Variants in SUCLG2 observed in about 807,000 individuals in gnomAD.
SUCLG2 encodes the protein succinate-CoA ligase GDP-forming subunit beta, also known as succinate--CoA ligase [GDP-forming] subunit beta, mitochondrial.
Under a neutral mutation model 47.9 loss-of-function variants are expected in SUCLG2, and 42 were observed. That is an observed-to-expected ratio of 0.88 (90% confidence interval 0.69 to 1.14). The LOEUF (loss-of-function observed/expected upper bound fraction) is 1.14, where lower values mean the gene tolerates loss of function less well. Ranked by LOEUF, SUCLG2 falls within the 50% of genes most tolerant of loss-of-function variation. The pLI is 0.00. For missense variants in SUCLG2, 571 were observed against 525.9 expected, an observed-to-expected ratio of 1.09 and a Z score of -0.84; for synonymous variants, 195 against 197.3, an observed-to-expected ratio of 0.99 and a Z score of 0.10.
At chr3:67,422,473 C>CGAAAAAA (rs1703186661) in intron 9 of SUCLG2, among the ~76,000 whole-genome samples, 1 of 30,662 alleles carries the variant, frequency 3.3e-5, no homozygotes, top group African/African-American at 1.4e-4. Context: ...GACTCCATCT[C>CGAAAAAA]AAAAAAAAAA....
At chr3:67,589,717 G>C (rs1559585550) in intron 2 of SUCLG2, among the ~76,000 whole-genome samples, 1 of 152,214 alleles carries the variant, frequency 6.6e-6, no homozygotes, top group Non-Finnish European at 1.5e-5. Flanking sequence ...AGGGGTGGCT[G>C]TGTGCAGGAG....
intron 8 of SUCLG2, among the ~76,000 whole-genome samples, chr3:67,497,036 T>A: frequency 6.6e-6 from 1 of 152,200 alleles, no homozygotes. Flanking sequence ...AATCTGTATT[T>A]AATTTGGTTT....
intron 10 of SUCLG2, among the ~76,000 whole-genome samples, chr3:67,383,220 TG>T (rs886370466): frequency 6.6e-6 from 1 of 152,246 alleles, no homozygotes; most frequent in African/African-American, 2.4e-5. Context: ...TAACATTTAC[TG>T]AGCCAAGGAC....
intron 9 of SUCLG2, among the ~76,000 whole-genome samples, chr3:67,422,138 A>T (rs1257115180): frequency 1.3e-5 from 2 of 152,132 alleles, no homozygotes; most frequent in Non-Finnish European, 2.9e-5. Context: ...TTCACCCTAA[A>T]TAGCTCTGAT....
intron 9 of SUCLG2, among the ~76,000 whole-genome samples, chr3:67,494,804 T>G (rs961617114): frequency 3.3e-5 from 5 of 152,184 alleles, no homozygotes; most frequent in African/African-American, 9.7e-5. Flanking sequence ...CAACTGAGTA[T>G]CTACAGGTGA....
At chr3:67,456,804 T>C (rs1704197074) in intron 9 of SUCLG2, among the ~76,000 whole-genome samples, 1 of 152,198 alleles carries the variant, frequency 6.6e-6, no homozygotes, top group Admixed American at 6.5e-5. Flanking sequence ...GCTCTGAATA[T>C]TTAAAAGCAA....
intron 10 of SUCLG2, chr3:67,376,361 C>T (rs1013548385): frequency 3.1e-5 from 31 of 985,292 alleles, no homozygotes; most frequent in Non-Finnish European, 3.4e-5. Flanking sequence ...CCCTTCAAAA[C>T]GGGCAAAGCA....
At chr3:67,605,902 G>A (rs1700405502) in intron 2 of SUCLG2, among the ~76,000 whole-genome samples, 2 of 151,804 alleles carry the variant, frequency 1.3e-5, no homozygotes, top group Non-Finnish European at 2.9e-5. Context: ...CATTCCTCCA[G>A]AGCAGAAATT....
At chr3:67,452,979 A>G (rs1430778926) in intron 9 of SUCLG2, among the ~76,000 whole-genome samples, 1 of 152,204 alleles carries the variant, frequency 6.6e-6, no homozygotes, top group Non-Finnish European at 1.5e-5. Flanking sequence ...ATGTAATCAT[A>G]GATGAAGGTC....
chr3:67,381,667 T>C (rs1414141751), intron 10 of SUCLG2, among the ~76,000 whole-genome samples: 2 of 152,200 alleles, frequency 1.3e-5, no homozygotes, highest in African/African-American at 4.8e-5. Context: ...CCTCAGGCAC[T>C]TCTTAATATC....
intron 2 of SUCLG2, among the ~76,000 whole-genome samples, chr3:67,571,907 T>C (rs1707622451): frequency 6.6e-6 from 1 of 152,220 alleles, no homozygotes; most frequent in African/African-American, 2.4e-5. Context: ...TCACCACTTA[T>C]GGGTGGCTTC....
intron 10 of SUCLG2, among the ~76,000 whole-genome samples, chr3:67,386,827 T>C (rs1480345722): frequency 6.6e-6 from 1 of 152,160 alleles, no homozygotes; most frequent in Non-Finnish European, 1.5e-5. Flanking sequence ...ACAGCTCAGT[T>C]TTCCCAAGCT....
chr3:67,370,860 G>A (rs1575652779), downstream of SUCLG2, among the ~76,000 whole-genome samples: 1 of 152,162 alleles, frequency 6.6e-6, no homozygotes, highest in Non-Finnish European at 1.5e-5. Context: ...TGCTGTATGT[G>A]ATTCCTAATA....
intron 9 of SUCLG2, among the ~76,000 whole-genome samples, chr3:67,492,548 A>C (rs1705230132): frequency 6.6e-6 from 1 of 152,204 alleles, no homozygotes; most frequent in South Asian, 2.1e-4. Flanking sequence ...GATTTAAAGA[A>C]TACTAATGCT....
At chr3:67,507,204 T>A (rs180958805) in intron 7 of SUCLG2, among the ~76,000 whole-genome samples, 35 of 152,090 alleles carry the variant, frequency 2.3e-4, no homozygotes, top group African/African-American at 7.0e-4. Context: ...ATAGCAACTT[T>A]AAAAAAAATA....
At chr3:67,363,449 T>G (rs1326904524) in intron 10 of SUCLG2, among the ~76,000 whole-genome samples, 2 of 152,200 alleles carry the variant, frequency 1.3e-5, no homozygotes, top group Admixed American at 6.5e-5. Flanking sequence ...GGTTTCTGCT[T>G]TCAGAAGATA....
At chr3:67,409,447 G>A (rs1296327951) in intron 9 of SUCLG2, among the ~76,000 whole-genome samples, 1 of 152,140 alleles carries the variant, frequency 6.6e-6, no homozygotes, top group East Asian at 1.9e-4. Context: ...TGGTAACTCT[G>A]TAAGTGGCTG....
chr3:67,403,867 C>T (rs1197013021), intron 9 of SUCLG2, among the ~76,000 whole-genome samples: 3 of 152,048 alleles, frequency 2.0e-5, no homozygotes, highest in African/African-American at 7.2e-5. Flanking sequence ...TTTGGATCCT[C>T]TTATTTCTTC....
chr3:67,450,001 A>G (rs1704017912), intron 9 of SUCLG2, among the ~76,000 whole-genome samples: 1 of 150,220 alleles, frequency 6.7e-6, no homozygotes, highest in South Asian at 2.1e-4. Context: ...ATTCCTATAA[A>G]TTGAAGATAA....
Sources: allele counts gnomAD v4.1 joint callset (sites outside exome capture counted in the v4.1 genomes callset), GRCh38; gene constraint gnomAD v4.1.1; transcripts MANE v1.5; gene names NCBI Gene and HGNC (gene_info 2026-07-23, HGNC 2026-07-21).